The following THTPA variants were observed in gnomAD, a reference collection of about 807,000 sequenced individuals.
THTPA encodes the protein thiamine triphosphatase.
A neutral mutation model predicts 16.5 loss-of-function variants in THTPA; 16 were observed. The observed-to-expected ratio is 0.97, with a 90% CI of 0.66 to 1.47. The LOEUF (loss-of-function observed/expected upper bound fraction) is 1.47. THTPA is among the 40% of genes most tolerant of loss of function. The pLI is 0.00. For missense variants in THTPA, 281 were observed against 280.9 expected (o/e 1.00, Z 0.00); for synonymous variants, 110 against 115.5 (o/e 0.95, Z 0.30).
At chr14:23,555,789 A>C (rs1306793424), upstream of THTPA, 1 of 147,762 alleles carries the variant, frequency 6.8e-6, no homozygotes. Flanking sequence ...TTCCAGGCCC[A>C]TCTGCCTGCG....
chr14:23,558,909 C>T lies in THTPA; in HGVS notation c.*69C>T, dbSNP rs1471341807. 1.3e-6 allele frequency: 2 copies of T among 1,583,182 alleles called. No homozygotes were observed. Among genetic ancestry groups the T allele is most frequent in the African/African-American group, 1.4e-5 (1 of 73,914 alleles). ...GAGTCCACTCCTGGGCCCACTGTGC[C>T]TCTCCCCTCAGTGTCCCTTCTGACA... On this transcript the variant is annotated 3_prime_UTR_variant, in exon 2 of 2. Transcript: ENST00000288014.
chr14:23,536,987 G>T, the THTPA span, among the ~76,000 whole-genome samples: 2 of 131,654 alleles, frequency 1.5e-5, no homozygotes, highest in South Asian at 2.5e-4. Flanking sequence ...AAAATACAAA[G>T]AAATTAGTTG....
chr14:23,533,703 C>A, the THTPA span: 1 of 1,541,342 alleles, frequency 6.5e-7, no homozygotes, highest in East Asian at 2.4e-5. The surrounding 1 kb of genome is among the most constrained non-coding windows in gnomAD (Gnocchi z 4.8). Flanking sequence ...CACCAGGGCC[C>A]GCCTGGAAGC....
the THTPA span, among the ~76,000 whole-genome samples, chr14:23,540,840 C>T: frequency 6.6e-6 from 1 of 152,202 alleles, no homozygotes; most frequent in South Asian, 2.1e-4. Flanking sequence ...TGTCTCCCGT[C>T]ACAGAGTGGA....
the THTPA span, chr14:23,523,748 T>C: frequency 3.9e-6 from 6 of 1,536,114 alleles, no homozygotes; most frequent in East Asian, 9.8e-5. This position sits in a 1 kb window ranked among gnomAD's most constrained non-coding sequence, Gnocchi z 4.1. Flanking sequence ...GTAGCGCCGC[T>C]GCCCCATTCC....
chr14:23,544,356 C>CATTGAGATTGAT, the THTPA span: 1 of 151,238 alleles, frequency 6.6e-6, no homozygotes, highest in Admixed American at 6.6e-5. Context: ...TTGAGATTGG[C>CATTGAGATTGAT]ACTTTGGGTG....
chr14:23,526,013 C>A, the THTPA span: 1 of 1,534,272 alleles, frequency 6.5e-7, no homozygotes, highest in African/African-American at 1.4e-5. Context: ...GGTGTCAGGG[C>A]CCTTCTTCTC....
the THTPA span, chr14:23,535,092 T>A: frequency 6.5e-7 from 1 of 1,536,212 alleles, no homozygotes; most frequent in Non-Finnish European, 8.7e-7. The surrounding 1 kb of genome is among the most constrained non-coding windows in gnomAD (Gnocchi z 4.5). Flanking sequence ...AGTCAGGCCC[T>A]TCCTGGGGCT....
the THTPA span, chr14:23,531,001 C>G: frequency 6.2e-6 from 1 of 160,362 alleles, no homozygotes; most frequent in Non-Finnish European, 1.4e-5. Flanking sequence ...CTAAGCCCAG[C>G]CTTAGGGCTG....
At chr14:23,514,292 C>G in the THTPA span, 6 of 152,372 alleles carry the variant, frequency 3.9e-5, no homozygotes, top group African/African-American at 1.4e-4. Context: ...CGGAGAGTGG[C>G]ATGAAGACAC....
chr14:23,547,325 A>C, the THTPA span, among the ~76,000 whole-genome samples: 2 of 152,250 alleles, frequency 1.3e-5, no homozygotes, highest in Non-Finnish European at 2.9e-5. Context: ...TCTGGTATTG[A>C]TTTATGAACT....
At chr14:23,543,350 T>C in the THTPA span, 1 of 152,268 alleles carries the variant, frequency 6.6e-6, no homozygotes, top group Non-Finnish European at 1.5e-5. Flanking sequence ...GAGTTGAGAT[T>C]GGAACTCAGG....
At chr14:23,540,748 A>G in the THTPA span, among the ~76,000 whole-genome samples, 1 of 152,164 alleles carries the variant, frequency 6.6e-6, no homozygotes. Flanking sequence ...TTCCTTACTC[A>G]GTTGTGAAGA....
At chr14:23,523,641 C>T in the THTPA span, 19 of 1,553,302 alleles carry the variant, frequency 1.2e-5, no homozygotes, top group Non-Finnish European at 1.6e-5. The surrounding 1 kb of genome is among the most constrained non-coding windows in gnomAD (Gnocchi z 4.1). Flanking sequence ...AGCCCAATCT[C>T]CTCTCCCAGC....
chr14:23,537,836 G>A, the THTPA span, among the ~76,000 whole-genome samples: 1 of 152,150 alleles, frequency 6.6e-6, no homozygotes, highest in Non-Finnish European at 1.5e-5. Flanking sequence ...TCACCCACAG[G>A]GTGGGCCACA....
chr14:23,534,587 T>C, the THTPA span: 2 of 1,536,136 alleles, frequency 1.3e-6, no homozygotes, highest in Non-Finnish European at 1.7e-6. This position sits in a 1 kb window ranked among gnomAD's most constrained non-coding sequence, Gnocchi z 4.5. Context: ...TGGGGCTTGC[T>C]GAAACCCAGG....
In THTPA at chr14:23,558,855, A is replaced by C. The variant is rs1312439937; in HGVS notation, c.*15A>C. ...GCCTGGGCTAGGGGTGTCACTTCCT[A>C]GAAGGGGAAGGGAACTCTGGGTCTA... On this transcript the variant is annotated 3_prime_UTR_variant, in exon 2 of 2. Transcript: ENST00000288014. The C allele has an allele frequency of 6.2e-7, 1 of 1,613,486 alleles. No homozygotes were observed. The highest frequency in any genetic ancestry group is 1.3e-5 in the African/African-American group (1 of 74,886).
the THTPA span, chr14:23,525,662 G>C: frequency 6.5e-7 from 1 of 1,535,410 alleles, no homozygotes. The surrounding 1 kb of genome is among the most constrained non-coding windows in gnomAD (Gnocchi z 5.9). Context: ...TGGGTCGGGG[G>C]GTGAGGAAGG....
the THTPA span, among the ~76,000 whole-genome samples, chr14:23,539,827 G>T: frequency 6.6e-6 from 1 of 152,186 alleles, no homozygotes; most frequent in African/African-American, 2.4e-5. Context: ...AGTTGGCAGG[G>T]CTAATGGGAC....
Sources: gnomAD v4.1 joint callset for allele counts (sites outside exome capture counted in the v4.1 genomes callset) on GRCh38, gnomAD v4.1.1 for gene constraint, Gnocchi (gnomAD v3.1) non-coding constraint, MANE v1.5 for transcripts, NCBI Gene and HGNC (gene_info 2026-07-23, HGNC 2026-07-21) for gene names.